The following HCK variants were observed in gnomAD, a reference collection of about 807,000 sequenced individuals.
HCK encodes HCK proto-oncogene, Src family tyrosine kinase, also known as tyrosine-protein kinase HCK.
HCK carries 40 observed loss-of-function variants against 70.4 expected under a neutral mutation model. That is an observed-to-expected ratio of 0.57 (90% CI 0.44 to 0.74). HCK has a LOEUF of 0.74. Among genes scored for constraint, HCK ranks in the 30% least tolerant of loss-of-function variants. The probability of loss-of-function intolerance (pLI) is 0.00; values close to 1 mark genes in which losing one functional copy is unlikely to be tolerated. For synonymous variants in HCK, 245 were observed against 263.2 expected (o/e 0.93, Z 0.67); for missense variants, 568 against 697.2 (o/e 0.81, Z 2.09).
At chr20:32,088,766 G>A (rs2045825052) in intron 10 of HCK, 122 bp downstream of exon 10, 2 of 706,002 alleles carry the variant, frequency 2.8e-6, no homozygotes, top group South Asian at 1.7e-5. Flanking sequence ...TGTATTGAGA[G>A]CTCAGTATAA....
At chr20:32,086,043 A>G (rs1261288651) in intron 8 of HCK, among the ~76,000 whole-genome samples, 1 of 152,146 alleles carries the variant, frequency 6.6e-6, no homozygotes, top group Admixed American at 6.6e-5. Flanking sequence ...TGTTTGAGAC[A>G]GAGTCTCGCT....
At chr20:32,053,488 ATTAGCCG>A (rs2045213524) in intron 1 of HCK, among the ~76,000 whole-genome samples, 1 of 151,902 alleles carries the variant, frequency 6.6e-6, no homozygotes, top group African/African-American at 2.4e-5. Flanking sequence ...AAGTACAAAA[ATTAGCCG>A]GGCGTAGTAG....
intron 5 of HCK, among the ~76,000 whole-genome samples, 166 bp downstream of exon 5, chr20:32,074,887 A>G (rs947495233): frequency 3.9e-5 from 6 of 152,138 alleles, no homozygotes; most frequent in African/African-American, 1.2e-4. Context: ...CCTTCCAGTC[A>G]GGGAAGAGAG....
intron 1 of HCK, among the ~76,000 whole-genome samples, chr20:32,065,247 T>C (rs1438529350): frequency 2.0e-5 from 3 of 152,260 alleles, no homozygotes; most frequent in African/African-American, 7.2e-5. Context: ...ACTAATTTCC[T>C]GTAGAATTGT....
chr20:32,068,938 T>A (rs750150796), intron 1 of HCK, among the ~76,000 whole-genome samples: 7 of 152,070 alleles, frequency 4.6e-5, no homozygotes, highest in Non-Finnish European at 1.0e-4. Context: ...AGCGAGACTG[T>A]CTCTGAGAAA....
chr20:32,094,781 GAGAA>G (rs1163545115), intron 11 of HCK, among the ~76,000 whole-genome samples: 8 of 89,108 alleles, frequency 9.0e-5, no homozygotes, highest in Admixed American at 2.3e-4. Context: ...AAGAAAGAGA[GAGAA>G]AGAGAAAGAA....
At chr20:32,071,454 C>T (rs1485718894) in intron 1 of HCK, among the ~76,000 whole-genome samples, 3 of 152,202 alleles carry the variant, frequency 2.0e-5, no homozygotes, top group African/African-American at 7.2e-5. Context: ...TGCTGTGGCA[C>T]GTGGACATGG....
intron 4 of HCK, 30 bp from the exon 5 acceptor site, chr20:32,074,593 C>T (rs367842803): frequency 3.3e-6 from 5 of 1,517,346 alleles, no homozygotes; most frequent in Non-Finnish European, 4.6e-6. Flanking sequence ...CCTTCTGTCC[C>T]TAACACCTTT....
intron 12 of HCK, 137 bp from the exon 13 acceptor site, chr20:32,101,180 T>C (rs2046027619): frequency 2.7e-6 from 2 of 740,094 alleles, no homozygotes; most frequent in Middle Eastern, 3.9e-4. Flanking sequence ...GGTGGAAGTC[T>C]GTCTTTCACA....
intron 11 of HCK, among the ~76,000 whole-genome samples, chr20:32,094,789 GAAAGAAAGAAAGAAAGAA>G (rs1385169725): frequency 9.9e-5 from 2 of 20,140 alleles, no homozygotes; most frequent in South Asian, 6.8e-3. Flanking sequence ...GAGAGAAAGA[GAAAGAAAGAAAGAAAGAA>G]AGAAAGAAAG....
At chr20:32,086,177 G>T (rs1252616748) in intron 8 of HCK, among the ~76,000 whole-genome samples, 1 of 152,120 alleles carries the variant, frequency 6.6e-6, no homozygotes, top group Non-Finnish European at 1.5e-5. Flanking sequence ...CCACAACTGC[G>T]CCTGGCTAAT....
chr20:32,099,195 C>T, intron 12 of HCK, 60 bp downstream of exon 12: 6 of 1,550,600 alleles, frequency 3.9e-6, no homozygotes, highest in Non-Finnish European at 5.3e-6. Flanking sequence ...ATGGGCTCAT[C>T]TCAACAACAT....
Position 32,084,371 on chromosome 20 carries a change from G to C in HCK, c.683-20G>C. The C allele has an allele frequency of 6.2e-7, 1 of 1,604,442 alleles. No homozygotes were observed. On this transcript the variant is annotated intron_variant, in intron 7 of 12. Transcript: ENST00000375852. ...GGCTCGGTGCTTGTTGCTCTCAATT[G>C]ACCAGGGACTCTGTTCCAGAGGGGA...
intron 11 of HCK, among the ~76,000 whole-genome samples, chr20:32,095,070 T>A (rs561256943): frequency 6.6e-6 from 1 of 152,228 alleles, no homozygotes. Flanking sequence ...TTAATGTCCA[T>A]CAATTGATGA....
intron 1 of HCK, among the ~76,000 whole-genome samples, chr20:32,054,524 A>C (rs1019710091): frequency 3.2e-4 from 39 of 122,946 alleles, no homozygotes; most frequent in African/African-American, 1.2e-3. Context: ...AAAAAAAAAA[A>C]GCCCGGACGC....
chr20:32,063,112 C>T (rs1244820184), intron 1 of HCK, among the ~76,000 whole-genome samples: 2 of 152,188 alleles, frequency 1.3e-5, no homozygotes, highest in African/African-American at 4.8e-5. Flanking sequence ...GGGGGACCCA[C>T]TCTCCCATGG....
At chr20:32,096,224 C>A (rs1214347162) in intron 11 of HCK, among the ~76,000 whole-genome samples, 1 of 151,518 alleles carries the variant, frequency 6.6e-6, no homozygotes, top group Admixed American at 6.6e-5. Flanking sequence ...TGCGGCCGGG[C>A]ACAGTGGCTC....
intron 10 of HCK, among the ~76,000 whole-genome samples, chr20:32,093,506 T>TGG (rs2045891919): frequency 2.0e-5 from 3 of 151,460 alleles, no homozygotes; most frequent in Non-Finnish European, 2.9e-5. Flanking sequence ...TGTGTGTGTG[T>TGG]GTGTGTGTGT....
intron 6 of HCK, among the ~76,000 whole-genome samples, chr20:32,082,329 G>A (rs968484400): frequency 6.6e-6 from 1 of 151,996 alleles, no homozygotes; most frequent in Non-Finnish European, 1.5e-5. Flanking sequence ...GGCATGTACG[G>A]TAAGCTATTA....
Sources: gnomAD v4.1 joint callset for allele counts (sites outside exome capture counted in the v4.1 genomes callset) on GRCh38, gnomAD v4.1.1 for gene constraint, MANE v1.5 for transcripts, NCBI Gene and HGNC (gene_info 2026-07-23, HGNC 2026-07-21) for gene names.